The following JPT2 variants were observed in gnomAD, a reference collection of about 807,000 sequenced individuals.
JPT2 encodes Jupiter microtubule associated homolog 2.
A neutral mutation model predicts 15.9 loss-of-function variants in JPT2; 9 were observed. The observed-to-expected ratio is 0.57, with a 90% CI of 0.34 to 0.99. JPT2 has a LOEUF of 0.99. Among genes scored for constraint, JPT2 ranks in the 50% least tolerant of loss-of-function variants. The probability of loss-of-function intolerance (pLI) is 0.02; values close to 1 mark genes in which losing one functional copy is unlikely to be tolerated. For missense variants in JPT2, 267 were observed against 252.1 expected (o/e 1.06, Z -0.40); for synonymous variants, 95 against 91.7 (o/e 1.04, Z -0.21).
rs377603175 is a variant in JPT2, at chr16:1,699,018, C to T, written c.*20C>T. The T allele has an allele frequency of 2.0e-4, 326 of 1,608,556 alleles. No homozygotes were observed. Among genetic ancestry groups the T allele is most frequent in the Non-Finnish European group, 2.7e-4 (312 of 1,176,282 alleles). On this transcript the variant is annotated 3_prime_UTR_variant, in exon 5 of 5. Coordinates refer to ENST00000248098, the MANE Select transcript of JPT2 (RefSeq NM_144570.3). Reference sequence around the variant, plus strand: ...TACTAAGAGAAGCCACTGCTCCACCCGGAGCCAGACCAGAAACTCAAGAGA... The same window carrying T: ...TACTAAGAGAAGCCACTGCTCCACCTGGAGCCAGACCAGAAACTCAAGAGA...
chr16:1,681,745 C>T (rs186770184), intron 1 of JPT2, among the ~76,000 whole-genome samples: 3 of 152,132 alleles, frequency 2.0e-5, no homozygotes, highest in South Asian at 4.2e-4. Flanking sequence ...GATAGGTGCT[C>T]GAGAGATGTG....
rs1410125230 is a variant in JPT2 at position 1,694,926 on chromosome 16, T to C, written c.337-2886T>C. 2.0e-5 allele frequency among the ~76,000 whole-genome samples: 3 copies of C among 152,170 alleles called. No homozygotes were observed. The East Asian group carries it at 5.8e-4, about 29-fold the overall frequency. On this transcript the variant is annotated intron_variant, in intron 3 of 4. Transcript: ENST00000248098. ...ATCTTCATGACCCTGGATTTGGCAA[T>C]GGAGGTTTAGATATGACACCAAAAA...
chr16:1,685,793 G>C lies in JPT2; in HGVS notation c.193+206G>C, dbSNP rs534466834. The C allele has an allele frequency of 4.2e-4, 210 of 505,002 alleles. 3 individuals are homozygous for C. Among genetic ancestry groups the C allele is most frequent in the African/African-American group, 3.9e-3 (194 of 49,358 alleles). The allele number at this position is 505,002 out of a possible 1,614,324, so 31.3% of individuals were successfully genotyped here. A position where few individuals can be genotyped will look rare whatever the true frequency, so the allele number is the denominator to read the frequency against. ...AGTCTTGAATTCTCCATCTGTTCTG[G>C]AGACTTTGGTTGAATACAGGCACTG... On this transcript the variant is annotated intron_variant, in intron 2 of 4. Transcript: ENST00000248098.
At chr16:1,695,865 C>T (rs1409656106) in intron 3 of JPT2, among the ~76,000 whole-genome samples, 2 of 152,016 alleles carry the variant, frequency 1.3e-5, no homozygotes, top group African/African-American at 4.8e-5. Flanking sequence ...GCAAGACTGT[C>T]TGAAAAAATA....
intron 3 of JPT2, among the ~76,000 whole-genome samples, chr16:1,695,893 T>G (rs1360920429): frequency 1.3e-5 from 2 of 152,000 alleles, no homozygotes; most frequent in Non-Finnish European, 1.5e-5. Context: ...AAATAGGTCT[T>G]CATTAAAGTT....
At chr16:1,695,022 A>T (rs2037130891) in intron 3 of JPT2, among the ~76,000 whole-genome samples, 1 of 152,198 alleles carries the variant, frequency 6.6e-6, no homozygotes, top group Non-Finnish European at 1.5e-5. Flanking sequence ...AGTACTTTGG[A>T]AGGCCAAGGT....
At chr16:1,691,785 G>T in intron 2 of JPT2, 58 bp from the exon 3 acceptor site, 1 of 1,571,206 alleles carries the variant, frequency 6.4e-7, no homozygotes. Context: ...GCGGGGGTGG[G>T]GTGGGGTGGG....
chr16:1,689,423 A>C (rs1057423037), intron 2 of JPT2: 1 of 152,138 alleles, frequency 6.6e-6, no homozygotes, highest in Admixed American at 6.6e-5. Flanking sequence ...GTTTAGCCTC[A>C]CCAGTGACCC....
Position 1,698,849 on chromosome 16 carries a change from A to G in JPT2, c.424A>G (p.Lys142Glu), listed in dbSNP as rs1324227407. The G allele has an allele frequency of 6.2e-7, 1 of 1,613,962 alleles. No individual in the cohort carries two copies. The highest frequency in any genetic ancestry group is 1.3e-5 in the African/African-American group (1 of 74,932). ...SIPAGAEPGE[K>E]GSARKAGPAK... ...CCCGGCTGGAGCAGAGCCAGGTGAG[A>G]AAGGCAGCGCCAGAAAAGCAGGCCC... The change falls in exon 5 of 5, where the codon AAA becomes GAA. Residue 142 changes from lysine to glutamate, a missense_variant. Physicochemically the swap from Lys to Glu is moderately conservative, Grantham distance 56. Transcript: ENST00000248098. The surrounding 1 kb of genome is among the most constrained non-coding windows in gnomAD (Gnocchi z 4.9).
chr16:1,682,162 G>GGT (rs1366343366), intron 1 of JPT2, among the ~76,000 whole-genome samples: 1 of 152,062 alleles, frequency 6.6e-6, no homozygotes, highest in Non-Finnish European at 1.5e-5. Context: ...GATCACTTGA[G>GGT]GTCAGGAGTT....
At chr16:1,679,765 AT>A in intron 1 of JPT2, among the ~76,000 whole-genome samples, 1 of 151,128 alleles carries the variant, frequency 6.6e-6, no homozygotes, top group Middle Eastern at 3.5e-3. Flanking sequence ...TAACCAAATA[AT>A]TACCCGTGGC....
rs1366480384 is a variant in JPT2, at chr16:1,699,298, T to TGGATCATGGCG, written c.*306_*307insTGGCGGGATCA. On this transcript the variant is annotated 3_prime_UTR_variant, in exon 5 of 5. Coordinates refer to ENST00000248098, the MANE Select transcript of JPT2 (RefSeq NM_144570.3). ...GGGAGGTGGGGCAGGGCATGGTCCT[T>TGGATCATGGCG]GGATCAACAGCCCGCCAGCTGATTG... 3.5e-6 allele frequency: 2 copies of TGGATCATGGCG among 579,036 alleles called. No individual in the cohort carries two copies. Among genetic ancestry groups the TGGATCATGGCG allele is most frequent in the Non-Finnish European group, 6.5e-6 (2 of 306,318 alleles). 35.9% of individuals were successfully genotyped at this position (579,036 alleles called of 1,614,324 possible).
In JPT2 at chr16:1,691,907, A is replaced by G. The variant is rs763645825; in HGVS notation, c.258A>G (p.Pro86=). The part of the protein sequence containing the change: ...TPVQTRQHLN[P]PGGKTSDIFG... ...TGCAGACTCGACAGCACCTGAACCC[A>G]CCTGGAGGGAAGACCAGCGACATTT... Residue 86 remains proline, a synonymous_variant, in exon 3 of 5, where the codon CCA becomes CCG. Coordinates refer to ENST00000248098, the MANE Select transcript of JPT2 (RefSeq NM_144570.3). 1.2e-6 allele frequency: 2 copies of G among 1,614,158 alleles called. No individual in the cohort carries two copies. Among genetic ancestry groups the G allele is most frequent in the Non-Finnish European group, 1.7e-6 (2 of 1,180,030 alleles).
chr16:1,685,659 A>T, intron 2 of JPT2, 72 bp downstream of exon 2: 1 of 1,472,152 alleles, frequency 6.8e-7, no homozygotes, highest in Non-Finnish European at 9.2e-7. Context: ...CTGTTTCTTT[A>T]TACTGATCCT....
chr16:1,692,265 C>T (rs112927363), intron 3 of JPT2: 4 of 447,562 alleles, frequency 8.9e-6, no homozygotes, highest in East Asian at 8.1e-5. Context: ...TGCAGTGCTG[C>T]GGGGCGCGGA....
At position 1,678,310 on chromosome 16, in the gene JPT2, G is replaced by T. The variant is rs529170780; in HGVS notation, c.-3G>T. ...CGGCGAGCTGAGGGTGGCGGCGGTCGACATGTTCCAGGTCCCGGATAGCGA... is the reference window on the plus strand; with the variant it reads ...CGGCGAGCTGAGGGTGGCGGCGGTCTACATGTTCCAGGTCCCGGATAGCGA... On this transcript the variant is annotated 5_prime_UTR_variant, in exon 1 of 5. Transcript: ENST00000248098. 2 of 1,237,660 alleles carry T rather than the reference G, an allele frequency of 1.6e-6. No homozygotes were observed. Among genetic ancestry groups the T allele is most frequent in the Non-Finnish European group, 2.0e-6 (2 of 987,662 alleles). 76.7% of individuals were successfully genotyped at this position (1,237,660 alleles called of 1,614,324 possible). A position where few individuals can be genotyped will look rare whatever the true frequency, so the allele number is the denominator to read the frequency against.
At chr16:1,686,502 G>A (rs934124441) in intron 2 of JPT2, 33 of 153,084 alleles carry the variant, frequency 2.2e-4, no homozygotes, top group African/African-American at 7.2e-4. Flanking sequence ...CAGCCTGGCC[G>A]ACATGGCAAA....
downstream of JPT2, chr16:1,702,207 A>G (rs1202226319): frequency 4.4e-6 from 2 of 453,984 alleles, no homozygotes; most frequent in Middle Eastern, 3.3e-4. Flanking sequence ...GCTCCACACC[A>G]TTCTGCCTGC....
At chr16:1,697,900 A>C in intron 4 of JPT2, 40 bp downstream of exon 4, 1 of 1,578,362 alleles carries the variant, frequency 6.3e-7, no homozygotes, top group South Asian at 1.1e-5. Flanking sequence ...GAGTGGCCTC[A>C]TTATTTCTGG....
Sources: gnomAD v4.1 joint callset for allele counts (sites outside exome capture counted in the v4.1 genomes callset) on GRCh38, gnomAD v4.1.1 for gene constraint, Gnocchi (gnomAD v3.1) non-coding constraint, MANE v1.5 for transcripts, NCBI Gene and HGNC (gene_info 2026-07-23, HGNC 2026-07-21) for gene names.